The following TSHZ2 variants were observed in gnomAD, a reference collection of about 807,000 sequenced individuals.
The protein encoded by TSHZ2 is teashirt homolog 2.
In TSHZ2, 21 loss-of-function variants were observed where a neutral mutation model predicts 74.4. The observed-to-expected ratio is 0.28, with a 90% CI of 0.20 to 0.41. The LOEUF is 0.41. Ranked by LOEUF, TSHZ2 falls within the 10% of genes least tolerant of loss-of-function variation. The probability of loss-of-function intolerance (pLI) is 1.00; values close to 1 mark genes in which losing one functional copy is unlikely to be tolerated. For synonymous variants in TSHZ2, 540 were observed against 515.3 expected (o/e 1.05, Z -0.65); for missense variants, 1,244 against 1,293.5 (o/e 0.96, Z 0.59).
chr20:53,374,097 T>A (rs1288262313), intron 2 of TSHZ2, among the ~76,000 whole-genome samples: 1 of 152,210 alleles, frequency 6.6e-6, no homozygotes, highest in African/African-American at 2.4e-5. Context: ...GTCACCCAGG[T>A]AATAAACGTC....
intron 2 of TSHZ2, among the ~76,000 whole-genome samples, chr20:53,400,865 G>A (rs980090600): frequency 6.6e-5 from 10 of 152,268 alleles, no homozygotes; most frequent in African/African-American, 1.2e-4. Context: ...ATCCACCTCC[G>A]TTATCTCCCC....
At chr20:53,032,186 G>A (rs912646051) in intron 1 of TSHZ2, among the ~76,000 whole-genome samples, 3 of 152,152 alleles carry the variant, frequency 2.0e-5, no homozygotes, top group Admixed American at 1.3e-4. Flanking sequence ...TCCAACGAAC[G>A]TCAGATCCAG....
intron 1 of TSHZ2, among the ~76,000 whole-genome samples, chr20:53,181,852 A>G (rs1029663994): frequency 6.6e-6 from 1 of 152,182 alleles, no homozygotes; most frequent in African/African-American, 2.4e-5. Context: ...CAAACAGGAG[A>G]AAGAGAAATT....
At chr20:53,417,083 C>G (rs898027653) in intron 2 of TSHZ2, among the ~76,000 whole-genome samples, 1 of 152,156 alleles carries the variant, frequency 6.6e-6, no homozygotes, top group African/African-American at 2.4e-5. Flanking sequence ...CCTGCACCCT[C>G]CCTCCTCCCC....
intron 2 of TSHZ2, among the ~76,000 whole-genome samples, chr20:53,382,708 G>A (rs943043463): frequency 6.6e-5 from 10 of 152,204 alleles, no homozygotes; most frequent in Admixed American, 3.9e-4. Flanking sequence ...CACTGCAGGA[G>A]ACCAGGATCA....
intron 2 of TSHZ2, among the ~76,000 whole-genome samples, chr20:53,289,495 A>T (rs1187298055): frequency 6.6e-6 from 1 of 152,038 alleles, no homozygotes; most frequent in East Asian, 1.9e-4. Flanking sequence ...TTATTTTTTA[A>T]TTATGGCCAT....
chr20:53,378,654 C>T (rs1981748093), intron 2 of TSHZ2, among the ~76,000 whole-genome samples: 1 of 152,028 alleles, frequency 6.6e-6, no homozygotes, highest in Admixed American at 6.5e-5. Context: ...ACATACATCT[C>T]TGGTAATAAA....
At chr20:53,036,826 T>C (rs1983840197) in intron 1 of TSHZ2, among the ~76,000 whole-genome samples, 1 of 149,570 alleles carries the variant, frequency 6.7e-6, no homozygotes, top group East Asian at 1.9e-4. Context: ...CAAACATTAT[T>C]TCACATAAAC....
chr20:53,262,406 G>A (rs764560806), intron 2 of TSHZ2, among the ~76,000 whole-genome samples: 2 of 152,044 alleles, frequency 1.3e-5, no homozygotes, highest in Non-Finnish European at 2.9e-5. Flanking sequence ...TTCATCAAAC[G>A]GCTCCTAATG....
At chr20:53,170,150 T>C (rs1335732562) in intron 1 of TSHZ2, among the ~76,000 whole-genome samples, 1 of 152,198 alleles carries the variant, frequency 6.6e-6, no homozygotes, top group African/African-American at 2.4e-5. Flanking sequence ...AATGGAGATC[T>C]ATTCAGCCCC....
intron 1 of TSHZ2, among the ~76,000 whole-genome samples, chr20:53,220,395 T>A (rs1989526294): frequency 6.6e-6 from 1 of 152,250 alleles, no homozygotes; most frequent in Non-Finnish European, 1.5e-5. Flanking sequence ...GCCTCACATC[T>A]ATTGAAAGCT....
intron 1 of TSHZ2, among the ~76,000 whole-genome samples, chr20:53,197,316 T>TA (rs965113618): frequency 6.6e-6 from 1 of 152,234 alleles, no homozygotes; most frequent in South Asian, 2.1e-4. Context: ...TTTTAATTTT[T>TA]AAAAAAATTT....
intron 1 of TSHZ2, among the ~76,000 whole-genome samples, chr20:53,205,227 C>T (rs1305238515): frequency 6.6e-6 from 1 of 152,026 alleles, no homozygotes; most frequent in East Asian, 1.9e-4. Context: ...AAGAAAAACA[C>T]AGAGAATTTG....
At chr20:53,108,385 G>A (rs1986439734) in intron 1 of TSHZ2, among the ~76,000 whole-genome samples, 1 of 152,196 alleles carries the variant, frequency 6.6e-6, no homozygotes, top group East Asian at 1.9e-4. Flanking sequence ...TAAATGAAAG[G>A]CTTGTATTCC....
At chr20:52,975,035 A>G (rs1334451829) in intron 1 of TSHZ2, among the ~76,000 whole-genome samples, 1 of 152,034 alleles carries the variant, frequency 6.6e-6, no homozygotes, top group Non-Finnish European at 1.5e-5. Context: ...CATTTAACTC[A>G]CTGATTTCCT....
chr20:53,054,231 A>G (rs1414882960), intron 1 of TSHZ2, among the ~76,000 whole-genome samples: 1 of 152,228 alleles, frequency 6.6e-6, no homozygotes, highest in Admixed American at 6.5e-5. Context: ...GTTACAAAGA[A>G]AGAGAAACTT....
intron 2 of TSHZ2, among the ~76,000 whole-genome samples, chr20:53,334,628 C>T (rs1979867984): frequency 6.6e-6 from 1 of 151,940 alleles, no homozygotes; most frequent in Non-Finnish European, 1.5e-5. Context: ...AAAGAACTTG[C>T]CTTCTACTAA....
In TSHZ2 at chr20:53,255,829, G is replaced by A. The variant is rs149270719; in HGVS notation, c.2371G>A (p.Ala791Thr). ...QSCMSPPQKH[A>T]LSDIADMVKV... ...TTGTATGTCCCCACCTCAGAAGCACGCTCTGTCTGACATCGCCGACATGGT... is the reference window on the plus strand; with the variant it reads ...TTGTATGTCCCCACCTCAGAAGCACACTCTGTCTGACATCGCCGACATGGT... The change falls in exon 2 of 3, where the codon GCT (alanine) becomes ACT (threonine). Residue 791 changes from alanine to threonine, a missense_variant. By Grantham distance (58) the Ala-to-Thr change is moderately conservative (BLOSUM62 0). This residue lies in a region of TSHZ2 where 562 missense variants were observed against 544.0 expected (regional missense o/e 1.03). Coordinates refer to ENST00000371497, the MANE Select transcript of TSHZ2 (RefSeq NM_173485.6). This position sits in a 1 kb window ranked among gnomAD's most constrained non-coding sequence, Gnocchi z 4.1. 13 of 1,612,716 alleles carry A rather than the reference G, an allele frequency of 8.1e-6. No individual in the cohort carries two copies. The highest frequency in any genetic ancestry group is 1.7e-5 in the Admixed American group (1 of 59,862).
intron 2 of TSHZ2, among the ~76,000 whole-genome samples, chr20:53,310,311 T>C (rs1978725034): frequency 6.6e-6 from 1 of 152,218 alleles, no homozygotes; most frequent in Admixed American, 6.5e-5. Context: ...CTGTCCCTAT[T>C]GGACTAGATC....
Sources: allele counts gnomAD v4.1 joint callset (sites outside exome capture counted in the v4.1 genomes callset), GRCh38; gene constraint gnomAD v4.1.1; regional missense constraint gnomAD v4.1.1; non-coding constraint Gnocchi (gnomAD v3.1); transcripts MANE v1.5; gene names NCBI Gene and HGNC (gene_info 2026-07-23, HGNC 2026-07-21).